The following PHACTR1 variants were observed in gnomAD, a reference collection of about 807,000 sequenced individuals.
PHACTR1 encodes the protein RPEL repeat containing 1.
PHACTR1 carries 16 observed loss-of-function variants against 69.2 expected under a neutral mutation model. That is an observed-to-expected ratio of 0.23 (90% confidence interval 0.16 to 0.35). The LOEUF (loss-of-function observed/expected upper bound fraction) is 0.35, where lower values mean the gene tolerates loss of function less well. Among genes scored for constraint, PHACTR1 ranks in the 10% least tolerant of loss-of-function variants. The pLI, the probability that PHACTR1 is intolerant of heterozygous loss-of-function variation, is 1.00. For synonymous variants in PHACTR1, 312 were observed against 284.5 expected (o/e 1.10, Z -0.97); for missense variants, 510 against 734.7 (o/e 0.69, Z 3.54).
At chr6:13,066,522 C>G (rs1808658202) in intron 5 of PHACTR1, among the ~76,000 whole-genome samples, 1 of 152,156 alleles carries the variant, frequency 6.6e-6, no homozygotes, top group Non-Finnish European at 1.5e-5. Context: ...GTTAAAAGCT[C>G]AGGTTGTTTG....
At chr6:13,073,918 G>A (rs566511139) in intron 5 of PHACTR1, among the ~76,000 whole-genome samples, 1 of 151,444 alleles carries the variant, frequency 6.6e-6, no homozygotes, top group African/African-American at 2.4e-5. Context: ...TGTCACCCAG[G>A]CTAGAGTGAA....
intron 4 of PHACTR1, among the ~76,000 whole-genome samples, chr6:12,935,040 C>T (rs978979145): frequency 4.6e-5 from 7 of 152,082 alleles, no homozygotes; most frequent in African/African-American, 1.7e-4. Flanking sequence ...ATAGCTGTGG[C>T]ACTTTCTTCA....
intron 4 of PHACTR1, among the ~76,000 whole-genome samples, chr6:12,853,507 G>T (rs1345842637): frequency 3.3e-5 from 5 of 152,228 alleles, no homozygotes; most frequent in Non-Finnish European, 7.3e-5. Flanking sequence ...TGAATGAAGG[G>T]AACAGAGAGG....
intron 3 of PHACTR1, among the ~76,000 whole-genome samples, chr6:12,734,087 T>A (rs1368403160): frequency 1.3e-5 from 2 of 152,190 alleles, no homozygotes; most frequent in Non-Finnish European, 2.9e-5. Context: ...GTGTCTACTT[T>A]AAGAAACTGG....
intron 4 of PHACTR1, among the ~76,000 whole-genome samples, chr6:12,967,123 G>A (rs890744832): frequency 6.6e-6 from 1 of 152,182 alleles, no homozygotes; most frequent in African/African-American, 2.4e-5. Flanking sequence ...TGTTCCCACA[G>A]CCCTTTTAGT....
Position 12,749,625 on chromosome 6 carries a change from G to T in PHACTR1, c.104-19G>T. The T allele has an allele frequency of 7.3e-7, 1 of 1,373,538 alleles. No homozygotes were observed. 85.1% of individuals were successfully genotyped at this position (1,373,538 alleles called of 1,614,324 possible). On this transcript the variant is annotated intron_variant, in intron 3 of 14. Coordinates refer to ENST00000332995, the MANE Select transcript of PHACTR1 (RefSeq NM_030948.6). ...CTTCCGCCTCTCTCCCTCTCCCTCC[G>T]TCTCCTTCTCCCTCTCAGCTCGCCG... is the stretch of plus-strand genomic sequence containing the variant.
At chr6:12,955,106 T>C (rs999050344) in intron 4 of PHACTR1, among the ~76,000 whole-genome samples, 7 of 151,894 alleles carry the variant, frequency 4.6e-5, no homozygotes, top group Admixed American at 3.3e-4. Flanking sequence ...AAATAAGATA[T>C]ATTACAAAAA....
rs921188686 is a variant in PHACTR1, at chr6:13,246,431, T to G, written c.1391+16238T>G. ...CCTACCTGGATGGCTGATGGTTCAT[T>G]ACAGCTGAGCAAAGTCTCATTAATC... On this transcript the variant is annotated intron_variant, in intron 10 of 14. Transcript: ENST00000332995. This position sits in a 1 kb window ranked among gnomAD's most constrained non-coding sequence, Gnocchi z 4.2. Among the ~76,000 whole-genome samples, 4 of 152,240 alleles carry G rather than the reference T, an allele frequency of 2.6e-5. No individual in the cohort carries two copies. Among genetic ancestry groups the G allele is most frequent in the African/African-American group, 7.2e-5 (3 of 41,464 alleles).
chr6:13,228,118 A>G lies in PHACTR1; in HGVS notation c.1234+55A>G, dbSNP rs2127315403. The G allele has an allele frequency of 1.9e-6, 3 of 1,559,224 alleles. No individual in the cohort carries two copies. The South Asian group carries it at 3.5e-5, about 18-fold the overall frequency. ...TGGGGAAGCATGCTATTGTGGAAAG[A>G]CAGCAGAGAGTGGACCCAGCAGCCC... On this transcript the variant is annotated intron_variant, in intron 9 of 14. Coordinates refer to ENST00000332995, the MANE Select transcript of PHACTR1 (RefSeq NM_030948.6).
At chr6:12,828,124 A>G (rs557330798) in intron 4 of PHACTR1, among the ~76,000 whole-genome samples, 1 of 152,344 alleles carries the variant, frequency 6.6e-6, no homozygotes, top group South Asian at 2.1e-4. Flanking sequence ...CTGAGTGGGT[A>G]GGCAATAGAG....
At chr6:12,892,541 G>T (rs1415864253) in intron 4 of PHACTR1, among the ~76,000 whole-genome samples, 1 of 152,176 alleles carries the variant, frequency 6.6e-6, no homozygotes, top group Non-Finnish European at 1.5e-5. Context: ...GAGTTTGGTT[G>T]TTGACATAAT....
At chr6:13,061,953 G>A (rs1807744571) in intron 5 of PHACTR1, among the ~76,000 whole-genome samples, 1 of 152,150 alleles carries the variant, frequency 6.6e-6, no homozygotes, top group South Asian at 2.1e-4. Context: ...CCTAATATAG[G>A]TAAAGTAGTA....
Position 13,047,407 on chromosome 6 carries a change from G to A in PHACTR1, c.251-5958G>A, listed in dbSNP as rs574113888. ...AAAAAAAAAAAAAAAAAAAAAGGCA[G>A]TGCTGCTGCTTCAGCGTAGTGAGCT... is the stretch of plus-strand genomic sequence containing the variant. On this transcript the variant is annotated intron_variant, in intron 4 of 14. Coordinates refer to ENST00000332995, the MANE Select transcript of PHACTR1 (RefSeq NM_030948.6). 2.1e-5 allele frequency among the ~76,000 whole-genome samples: 3 copies of A among 141,994 alleles called. No individual in the cohort carries two copies. In the East Asian group the frequency reaches 6.1e-4, roughly 29 times the overall value. The allele number at this position is 141,994 out of a possible 152,430, so 93.2% of individuals were successfully genotyped here. A position where few individuals can be genotyped will look rare whatever the true frequency, so the allele number is the denominator to read the frequency against.
chr6:12,767,369 G>C (rs1581658743), intron 4 of PHACTR1, among the ~76,000 whole-genome samples: 1 of 152,132 alleles, frequency 6.6e-6, no homozygotes, highest in Non-Finnish European at 1.5e-5. Context: ...TTATATGTAG[G>C]CCTTCCAAAG....
intron 4 of PHACTR1, among the ~76,000 whole-genome samples, chr6:12,961,322 C>G (rs1792694300): frequency 6.6e-6 from 1 of 152,116 alleles, no homozygotes; most frequent in Non-Finnish European, 1.5e-5. Flanking sequence ...AACACCCAAA[C>G]TTGGGTATAT....
intron 8 of PHACTR1, among the ~76,000 whole-genome samples, chr6:13,215,214 A>G (rs1213479332): frequency 2.0e-5 from 3 of 152,238 alleles, no homozygotes; most frequent in Admixed American, 2.0e-4. Flanking sequence ...TGGGGATGTA[A>G]CAGTGAACAA....
intron 10 of PHACTR1, among the ~76,000 whole-genome samples, chr6:13,241,193 TGAA>T (rs1273492959): frequency 1.3e-5 from 2 of 152,160 alleles, no homozygotes; most frequent in Non-Finnish European, 2.9e-5. Flanking sequence ...AGGCATGGAA[TGAA>T]GAAGAGGAAA....
intron 8 of PHACTR1, among the ~76,000 whole-genome samples, chr6:13,214,910 C>T (rs921880791): frequency 2.6e-5 from 4 of 152,126 alleles, no homozygotes; most frequent in African/African-American, 7.2e-5. Context: ...AAGTACCATA[C>T]ATTTAGTTCT....
chr6:12,759,731 G>A (rs961719456), intron 4 of PHACTR1, among the ~76,000 whole-genome samples: 1 of 152,272 alleles, frequency 6.6e-6, no homozygotes, highest in South Asian at 2.1e-4. Flanking sequence ...GATACTTTAT[G>A]TAGTGAAAGG....
Sources: allele counts gnomAD v4.1 joint callset (sites outside exome capture counted in the v4.1 genomes callset), GRCh38; gene constraint gnomAD v4.1.1; non-coding constraint Gnocchi (gnomAD v3.1); transcripts MANE v1.5; gene names NCBI Gene and HGNC (gene_info 2026-07-23, HGNC 2026-07-21).